Variants in FAM163B observed in about 807,000 individuals in gnomAD.
FAM163B encodes the protein family with sequence similarity 163 member B.
FAM163B carries 4 observed loss-of-function variants against 7.6 expected under a neutral mutation model. That is an observed-to-expected ratio of 0.52 (90% CI 0.26 to 1.20). The LOEUF is 1.20. Among genes scored for constraint, FAM163B ranks in the 50% most tolerant of loss-of-function variants. The pLI, the probability that FAM163B is intolerant of heterozygous loss-of-function variation, is 0.14. For missense variants in FAM163B, 250 were observed against 243.0 expected (o/e 1.03, Z -0.19); for synonymous variants, 120 against 111.6 (o/e 1.07, Z -0.47).
At chr9:133,592,714 C>T (rs1241357978) in intron 1 of FAM163B, among the ~76,000 whole-genome samples, 3 of 152,216 alleles carry the variant, frequency 2.0e-5, no homozygotes, top group Non-Finnish European at 4.4e-5. Flanking sequence ...TTACTTAAAG[C>T]ACCATCAGCA....
At position 133,580,379 on chromosome 9, in the gene FAM163B, C is replaced by T. The variant is rs1236283972; in HGVS notation, c.-23-133G>A. 8.5e-6 allele frequency: 6 copies of T among 706,286 alleles called. No individual in the cohort carries two copies. The East Asian group carries it at 1.6e-4, about 19-fold the overall frequency. The allele number at this position is 706,286 out of a possible 1,614,324, so 43.8% of individuals were successfully genotyped here. On this transcript the variant is annotated intron_variant, in intron 1 of 2. Coordinates refer to ENST00000673969, the MANE Select transcript of FAM163B (RefSeq NM_001080515.3). ...AGGATGTGCCTGTGAGAGGCAGGGGCTCTGCCGGGGACGGGGTGCAGCAGG... is the reference window on the plus strand; with the variant it reads ...AGGATGTGCCTGTGAGAGGCAGGGGTTCTGCCGGGGACGGGGTGCAGCAGG...
chr9:133,592,509 C>G lies in FAM163B; in HGVS notation c.-23-12263G>C, dbSNP rs969170553. Among the ~76,000 whole-genome samples the G allele has an allele frequency of 2.0e-5, 3 of 152,302 alleles. No homozygotes were observed. The East Asian group carries it at 5.8e-4, about 29-fold the overall frequency. On this transcript the variant is annotated intron_variant, in intron 1 of 2. Transcript: ENST00000673969. ...CTTCCCTCTTCCAGGAAGGTGCCCA[C>G]GCTGGCTGTGCTGAGGGGCTCACAC...
In FAM163B at chr9:133,578,259, C is replaced by T. The variant is rs1363706372; in HGVS notation, c.*763G>A. On this transcript the variant is annotated 3_prime_UTR_variant, in exon 3 of 3. Coordinates refer to ENST00000673969, the MANE Select transcript of FAM163B (RefSeq NM_001080515.3). ...GCTGAGCACTGGGTCTATACATTTCCACGTTGCCTCTCCCACGGCAGGGGG... is the reference window on the plus strand; with the variant it reads ...GCTGAGCACTGGGTCTATACATTTCTACGTTGCCTCTCCCACGGCAGGGGG... Among the ~76,000 whole-genome samples, 7 of 152,292 alleles carry T rather than the reference C, an allele frequency of 4.6e-5. No individual in the cohort carries two copies. The highest frequency in any genetic ancestry group is 8.8e-5 in the Non-Finnish European group (6 of 68,020).
At chr9:133,585,666 C>A (rs890101472) in intron 1 of FAM163B, among the ~76,000 whole-genome samples, 2 of 152,248 alleles carry the variant, frequency 1.3e-5, no homozygotes, top group East Asian at 3.9e-4. Context: ...GGCCCCAGGA[C>A]GGGGAGCCTG....
At chr9:133,579,494 A>G in intron 2 of FAM163B, 65 bp from the exon 3 acceptor site, 1 of 1,491,060 alleles carries the variant, frequency 6.7e-7, no homozygotes, top group Admixed American at 2.0e-5. Flanking sequence ...CATGTGGGAA[A>G]GGCTACCCCT....
chr9:133,585,659 C>T (rs1029982857), intron 1 of FAM163B, among the ~76,000 whole-genome samples: 6 of 152,364 alleles, frequency 3.9e-5, no homozygotes, highest in Admixed American at 2.6e-4. Flanking sequence ...CCAACCGGGC[C>T]CCAGGACGGG....
At chr9:133,595,429 G>C (rs547324398) in intron 1 of FAM163B, among the ~76,000 whole-genome samples, 3 of 152,196 alleles carry the variant, frequency 2.0e-5, no homozygotes, top group Non-Finnish European at 4.4e-5. Flanking sequence ...GATTACAGGC[G>C]TGAGCCACTG....
In FAM163B at chr9:133,601,332, A is replaced by AT. The variant is rs1365587281; in HGVS notation, c.-24+7744dup. 6.6e-6 allele frequency among the ~76,000 whole-genome samples: 1 copy of AT among 152,174 alleles called. No homozygotes were observed. Among genetic ancestry groups the AT allele is most frequent in the East Asian group, 1.9e-4 (1 of 5,198 alleles). On this transcript the variant is annotated intron_variant, in intron 1 of 2. Transcript: ENST00000673969. This position sits in a 1 kb window ranked among gnomAD's most constrained non-coding sequence, Gnocchi z 4.1. ...TTCAGCAAAGACCCTGCCTGGAGCA[A>AT]TTTTTTAACATTAATTCTCCTTTTT...
chr9:133,580,043 T>C (rs1391924417), intron 2 of FAM163B, 88 bp downstream of exon 2: 2 of 1,147,254 alleles, frequency 1.7e-6, no homozygotes, highest in South Asian at 1.3e-5. Flanking sequence ...GCCGTGACCC[T>C]TGTGACCTTC....
intron 1 of FAM163B, among the ~76,000 whole-genome samples, chr9:133,589,575 A>C (rs988422520): frequency 4.6e-5 from 7 of 152,138 alleles, no homozygotes; most frequent in African/African-American, 1.7e-4. Flanking sequence ...CCATGAAGGC[A>C]AGAACCTGGT....
chr9:133,579,375 C>G lies in FAM163B; in HGVS notation c.148G>C (p.Ala50Pro). 1 of 1,611,780 alleles carries G rather than the reference C, an allele frequency of 6.2e-7. No homozygotes were observed. The highest frequency in any genetic ancestry group is 8.5e-7 in the Non-Finnish European group (1 of 1,179,398). The change falls in exon 3 of 3, where the codon GCC becomes CCC. Residue 50 changes from alanine (A) to proline (P), a missense_variant. Ala to Pro is a conservative substitution (Grantham distance 27, BLOSUM62 -1). Transcript: ENST00000673969. The stretch of plus-strand genomic sequence containing the variant: ...AGCGGGGGCAGGTGCGAGTGAACGG[C>G]GAAGTCTGGTTCCTCCTCGTCCTCC... ...SEEDEEEPDF[A>P]VHSHLPPLHS...
At chr9:133,582,433 A>C (rs1262332615) in intron 1 of FAM163B, among the ~76,000 whole-genome samples, 1 of 152,228 alleles carries the variant, frequency 6.6e-6, no homozygotes, top group Non-Finnish European at 1.5e-5. Flanking sequence ...CCCCAGCACC[A>C]GTAAGATGAG....
chr9:133,591,943 G>A (rs1024746470), intron 1 of FAM163B, among the ~76,000 whole-genome samples: 1 of 152,152 alleles, frequency 6.6e-6, no homozygotes, highest in South Asian at 2.1e-4. Context: ...TCCTTTCCAG[G>A]TGACTGGCTC....
chr9:133,590,115 CCCCTT>C (rs1831524184), intron 1 of FAM163B, among the ~76,000 whole-genome samples: 2 of 12,738 alleles, frequency 1.6e-4, no homozygotes, highest in Non-Finnish European at 2.8e-4. Flanking sequence ...CCCTTCCCCT[CCCCTT>C]CCCCTCCCCT....
intron 1 of FAM163B, among the ~76,000 whole-genome samples, chr9:133,589,645 C>A (rs562066213): frequency 9.9e-5 from 15 of 151,976 alleles, no homozygotes; most frequent in African/African-American, 3.1e-4. Flanking sequence ...CACAGTAGGG[C>A]GGCATTGGTG....
rs1037401453 is a variant in FAM163B, at chr9:133,609,329, G to A, written c.-276C>T. Among the ~76,000 whole-genome samples the A allele has an allele frequency of 2.0e-5, 3 of 149,616 alleles. No homozygotes were observed. Among genetic ancestry groups the A allele is most frequent in the Non-Finnish European group, 4.5e-5 (3 of 67,082 alleles). On this transcript the variant is annotated 5_prime_UTR_variant, in exon 1 of 3. Coordinates refer to ENST00000673969, the MANE Select transcript of FAM163B (RefSeq NM_001080515.3). ...TGCGGCCGCGACTCCGGACGCCCCG[G>A]CTGGCTCCCTGCGAGCTGCACGCGC...
At chr9:133,599,750 G>A (rs1831686991) in intron 1 of FAM163B, among the ~76,000 whole-genome samples, 1 of 148,796 alleles carries the variant, frequency 6.7e-6, no homozygotes, top group African/African-American at 2.5e-5. Context: ...TGTGTGGTCT[G>A]TATGCATGTA....
intron 1 of FAM163B, among the ~76,000 whole-genome samples, chr9:133,581,199 C>T (rs11531920): frequency 0.11 from 17,033 of 152,212 alleles, 1,281 homozygotes; most frequent in East Asian, 0.38. Flanking sequence ...TCAAAGCACC[C>T]GGCTGGGAGC....
At chr9:133,580,025 C>A in intron 2 of FAM163B, 106 bp downstream of exon 2, 1 of 927,768 alleles carries the variant, frequency 1.1e-6, no homozygotes, top group Non-Finnish European at 1.7e-6. Flanking sequence ...CTCTTCCCCA[C>A]TTCCCGGGCC....
Sources: gnomAD v4.1 joint callset for allele counts (sites outside exome capture counted in the v4.1 genomes callset) on GRCh38, gnomAD v4.1.1 for gene constraint, Gnocchi (gnomAD v3.1) non-coding constraint, MANE v1.5 for transcripts, NCBI Gene and HGNC (gene_info 2026-07-23, HGNC 2026-07-21) for gene names.